MATN2: variants seen among roughly 807,000 people sequenced by gnomAD.
The protein encoded by MATN2 is matrilin-2.
MATN2 carries 69 observed loss-of-function variants against 103.2 expected under a neutral mutation model. That is an observed-to-expected ratio of 0.67 (90% CI 0.55 to 0.82). MATN2 has a LOEUF of 0.82. Among genes scored for constraint, MATN2 ranks in the 40% least tolerant of loss-of-function variants. MATN2 has a pLI of 0.00. For missense variants in MATN2, 1,023 were observed against 1,211.5 expected, an observed-to-expected ratio of 0.84 and a Z score of 2.31; for synonymous variants, 429 against 450.2, an observed-to-expected ratio of 0.95 and a Z score of 0.60.
intron 2 of MATN2, among the ~76,000 whole-genome samples, chr8:97,888,803 C>G (rs1818530845): frequency 6.6e-6 from 1 of 152,096 alleles, no homozygotes; most frequent in African/African-American, 2.4e-5. Context: ...ATTGGTAAGC[C>G]TGGCATGTGG....
chr8:98,033,277 AATAGT>A, intron 17 of MATN2, 101 bp downstream of exon 17: 1 of 1,068,934 alleles, frequency 9.4e-7, no homozygotes, highest in Non-Finnish European at 1.3e-6. Context: ...GGAAGTAGGA[AATAGT>A]ATAGAGGAAA....
At position 98,007,066 on chromosome 8, in the gene MATN2, C is replaced by T. The variant is rs762938971; in HGVS notation, c.1328-39C>T. ...CTTGGTTGCTGGTGGGGTATTGCCC[C>T]CTCGGCTCCTCTATGCTTTCGCGTG... is the stretch of plus-strand genomic sequence containing the variant. On this transcript the variant is annotated intron_variant, in intron 8 of 18. Coordinates refer to ENST00000254898, the MANE Select transcript of MATN2 (RefSeq NM_002380.5). The surrounding 1 kb of genome is among the most constrained non-coding windows in gnomAD (Gnocchi z 4.2). 2.6e-6 allele frequency: 4 copies of T among 1,564,294 alleles called. 1 individual carries two copies. In the South Asian group the frequency reaches 4.7e-5, roughly 18 times the overall value.
At chr8:98,022,457 C>G (rs952815910) in intron 13 of MATN2, among the ~76,000 whole-genome samples, 5 of 151,746 alleles carry the variant, frequency 3.3e-5, no homozygotes, top group African/African-American at 1.2e-4. Flanking sequence ...AAGATAAACA[C>G]GATTTAGAAA....
At chr8:97,941,044 C>T (rs2130179669) in intron 3 of MATN2, among the ~76,000 whole-genome samples, 1 of 151,388 alleles carries the variant, frequency 6.6e-6, no homozygotes, top group South Asian at 2.1e-4. Context: ...CGCCCATAGT[C>T]CCAGCTACTC....
intron 3 of MATN2, 98 bp from the exon 4 acceptor site, chr8:97,941,679 C>A: frequency 7.3e-7 from 1 of 1,368,722 alleles, no homozygotes; most frequent in South Asian, 1.3e-5. Context: ...TGAGTCCTGC[C>A]CAGAGGAGAG....
At chr8:97,908,044 G>A (rs1341318288) in intron 2 of MATN2, among the ~76,000 whole-genome samples, 1 of 152,110 alleles carries the variant, frequency 6.6e-6, no homozygotes, top group Non-Finnish European at 1.5e-5. Flanking sequence ...GAGGTGCCTT[G>A]TGGTAAAAGA....
intron 12 of MATN2, 105 bp from the exon 13 acceptor site, chr8:98,021,100 A>G (rs6987112): frequency 0.47 from 524,512 of 1,123,822 alleles, 133,008 homozygotes; most frequent in Non-Finnish European, 0.53. Flanking sequence ...AGAGAGGTGT[A>G]TTTTCTTTAA....
intron 2 of MATN2, among the ~76,000 whole-genome samples, chr8:97,888,634 C>A (rs1430054539): frequency 6.6e-6 from 1 of 151,970 alleles, no homozygotes; most frequent in Non-Finnish European, 1.5e-5. Context: ...AAGAGCTGGG[C>A]CAGAAGAGAG....
In MATN2 at chr8:98,004,497, A is replaced by G. The variant is rs1165727797; in HGVS notation, c.1327+714A>G. Reference sequence around the variant, plus strand: ...TTCTCCATGCTTTGATTTCCCATTTATGACAAAAAGCAAAACTAATAGTCG... The same window carrying G: ...TTCTCCATGCTTTGATTTCCCATTTGTGACAAAAAGCAAAACTAATAGTCG... On this transcript the variant is annotated intron_variant, in intron 8 of 18. Coordinates refer to ENST00000254898, the MANE Select transcript of MATN2 (RefSeq NM_002380.5). Among the ~76,000 whole-genome samples the G allele has an allele frequency of 3.3e-5, 5 of 152,186 alleles. No homozygotes were observed. The East Asian group carries it at 5.8e-4, about 18-fold the overall frequency.
chr8:97,928,521 TG>T (rs2130131864), intron 2 of MATN2, among the ~76,000 whole-genome samples: 1 of 152,308 alleles, frequency 6.6e-6, no homozygotes, highest in South Asian at 2.1e-4. Flanking sequence ...CCACTGCACC[TG>T]GCTGAAAAGC....
chr8:98,021,693 A>G (rs558684341), intron 13 of MATN2, among the ~76,000 whole-genome samples: 1 of 149,472 alleles, frequency 6.7e-6, no homozygotes, highest in Admixed American at 6.7e-5. Context: ...AAAAAAAAAA[A>G]CACAAAAGAG....
intron 2 of MATN2, among the ~76,000 whole-genome samples, chr8:97,912,131 A>G (rs1451639094): frequency 6.6e-6 from 1 of 152,220 alleles, no homozygotes; most frequent in Non-Finnish European, 1.5e-5. Flanking sequence ...TAACAGGGAA[A>G]TTGAATCCAG....
chr8:97,982,963 C>A lies in MATN2; in HGVS notation c.1081+3955C>A, dbSNP rs961528342. ...CCTGGCTGGGGTCACCTGATTTCCA[C>A]CCAGCTGTAACTATCCTCACCATCC... is the stretch of plus-strand genomic sequence containing the variant. On this transcript the variant is annotated intron_variant, in intron 6 of 18. Transcript: ENST00000254898. The surrounding 1 kb of genome is among the most constrained non-coding windows in gnomAD (Gnocchi z 4.3). Among the ~76,000 whole-genome samples, 1 of 152,186 alleles carries A rather than the reference C, an allele frequency of 6.6e-6. No individual in the cohort carries two copies. Among genetic ancestry groups the A allele is most frequent in the Non-Finnish European group, 1.5e-5 (1 of 68,034 alleles).
chr8:97,972,482 G>A (rs1811693011), intron 5 of MATN2, among the ~76,000 whole-genome samples: 1 of 152,174 alleles, frequency 6.6e-6, no homozygotes, highest in Admixed American at 6.5e-5. Flanking sequence ...TGCTCAGCAA[G>A]TAAATTGGTT....
intron 2 of MATN2, among the ~76,000 whole-genome samples, chr8:97,910,292 A>G (rs781271824): frequency 6.6e-6 from 1 of 151,602 alleles, no homozygotes; most frequent in South Asian, 2.1e-4. Context: ...TCCTGACCTC[A>G]GGTGATCCAC....
At chr8:97,903,250 CTG>C (rs149199242) in intron 2 of MATN2, among the ~76,000 whole-genome samples, 22,107 of 152,130 alleles carry the variant, frequency 0.15, 1,874 homozygotes, top group Admixed American at 0.24. Flanking sequence ...CCACCCTTTC[CTG>C]TACCTTTGGA....
chr8:97,913,920 T>A lies in MATN2; in HGVS notation c.143-17033T>A, dbSNP rs148372315. Among the ~76,000 whole-genome samples, 609 of 152,340 alleles carry A rather than the reference T, an allele frequency of 4.0e-3. 3 individuals carry two copies. Among genetic ancestry groups the A allele is most frequent in the African/African-American group, 0.014 (575 of 41,578 alleles). ...ATGGGCCACCTTGCTCAGCCTGATATTTATTTCATTTGAAATTTGGATTAA... is the reference window on the plus strand; with the variant it reads ...ATGGGCCACCTTGCTCAGCCTGATAATTATTTCATTTGAAATTTGGATTAA... On this transcript the variant is annotated intron_variant, in intron 2 of 18. Coordinates refer to ENST00000254898, the MANE Select transcript of MATN2 (RefSeq NM_002380.5).
At chr8:98,010,499 A>G (rs1402477621) in intron 10 of MATN2, among the ~76,000 whole-genome samples, 1 of 152,138 alleles carries the variant, frequency 6.6e-6, no homozygotes, top group Non-Finnish European at 1.5e-5. Flanking sequence ...TTTCAAGGCC[A>G]CTGTGTGGTT....
chr8:97,935,510 T>A (rs1810344639), intron 3 of MATN2, among the ~76,000 whole-genome samples: 1 of 152,176 alleles, frequency 6.6e-6, no homozygotes, highest in Non-Finnish European at 1.5e-5. Context: ...TTTTTGTTTT[T>A]ATTTGTTTGT....
Sources: gnomAD v4.1 joint callset for allele counts (sites outside exome capture counted in the v4.1 genomes callset) on GRCh38, gnomAD v4.1.1 for gene constraint, Gnocchi (gnomAD v3.1) non-coding constraint, MANE v1.5 for transcripts, NCBI Gene and HGNC (gene_info 2026-07-23, HGNC 2026-07-21) for gene names.